PRKCE: variants seen among roughly 807,000 people sequenced by gnomAD.
PRKCE encodes the protein protein kinase C epsilon.
Under a neutral mutation model 85.4 loss-of-function variants are expected in PRKCE, and 16 were observed. The ratio of observed to expected loss-of-function variants is 0.19; its 90% CI spans 0.13 to 0.28. PRKCE has a LOEUF of 0.28. Among genes scored for constraint, PRKCE ranks in the 10% least tolerant of loss-of-function variants. PRKCE has a pLI of 1.00. For missense variants in PRKCE, 573 were observed against 975.2 expected, an observed-to-expected ratio of 0.59 and a Z score of 5.49; for synonymous variants, 388 against 371.5, an observed-to-expected ratio of 1.04 and a Z score of -0.51.
Position 45,914,500 on chromosome 2 carries a change from C to T in PRKCE, c.413-61929C>T, listed in dbSNP as rs116203619. On this transcript the variant is annotated intron_variant, in intron 2 of 14. Coordinates refer to ENST00000306156, the MANE Select transcript of PRKCE (RefSeq NM_005400.3). ...TAGCCATGGTGGTCCAGGAAGTGTG[C>T]GAGACTGATAACTATTTCTTTGCTC... is the stretch of plus-strand genomic sequence containing the variant. Among the ~76,000 whole-genome samples the T allele has an allele frequency of 2.6e-3, 393 of 152,216 alleles. 1 individual carries two copies. The highest frequency in any genetic ancestry group is 7.7e-3 in the African/African-American group (321 of 41,514).
rs190389360 is a variant in PRKCE at position 46,132,218 on chromosome 2, A to G, written c.1593-12875A>G. Among the ~76,000 whole-genome samples the G allele has an allele frequency of 1.6e-3, 247 of 152,160 alleles. 1 individual carries two copies. Among genetic ancestry groups the G allele is most frequent in the African/African-American group, 5.6e-3 (231 of 41,516 alleles). On this transcript the variant is annotated intron_variant, in intron 11 of 14. Coordinates refer to ENST00000306156, the MANE Select transcript of PRKCE (RefSeq NM_005400.3). The stretch of plus-strand genomic sequence containing the variant: ...TGCTCTGTCTCAAGTCCCAACCATC[A>G]AGCGTTGTGCTTGCTTACAGATCAT...
intron 2 of PRKCE, among the ~76,000 whole-genome samples, chr2:45,936,899 C>G (rs926681806): frequency 4.6e-5 from 7 of 152,190 alleles, no homozygotes; most frequent in East Asian, 1.9e-4. Context: ...CTGCCTGTCC[C>G]TCTTGTACTT....
intron 11 of PRKCE, among the ~76,000 whole-genome samples, chr2:46,096,163 C>G (rs931803325): frequency 6.6e-6 from 1 of 152,198 alleles, no homozygotes; most frequent in African/African-American, 2.4e-5. Context: ...TCTGCCTCAT[C>G]TTTGTTGTGT....
chr2:46,079,116 C>T (rs1195553967), intron 10 of PRKCE, among the ~76,000 whole-genome samples: 1 of 145,490 alleles, frequency 6.9e-6, no homozygotes, highest in African/African-American at 2.5e-5. Flanking sequence ...GTGGAGACTG[C>T]AGTGAGCTGA....
At chr2:45,722,124 A>C (rs1263844838) in intron 1 of PRKCE, among the ~76,000 whole-genome samples, 1 of 152,204 alleles carries the variant, frequency 6.6e-6, no homozygotes, top group East Asian at 1.9e-4. Flanking sequence ...ATTGCATGTT[A>C]ACACAAAGGG....
At chr2:46,053,700 G>A (rs1708997867) in intron 10 of PRKCE, among the ~76,000 whole-genome samples, 2 of 152,266 alleles carry the variant, frequency 1.3e-5, no homozygotes, top group South Asian at 4.1e-4. Context: ...TCTTAAGGCT[G>A]AATAATACTC....
chr2:45,677,988 A>C, intron 1 of PRKCE: 1 of 779,212 alleles, frequency 1.3e-6, no homozygotes, highest in Non-Finnish European at 1.6e-6. Flanking sequence ...TTGATTTTAC[A>C]TGGAGCTGAG....
chr2:46,186,324 A>T lies in PRKCE; in HGVS notation c.*1443A>T, dbSNP rs1442935244. 6.6e-6 allele frequency: 1 copy of T among 152,618 alleles called. No individual in the cohort carries two copies. The highest frequency in any genetic ancestry group is 1.5e-5 in the Non-Finnish European group (1 of 68,046). The allele number at this position is 152,618 out of a possible 1,614,324, so 9.5% of individuals were successfully genotyped here. On this transcript the variant is annotated 3_prime_UTR_variant, in exon 15 of 15. Transcript: ENST00000306156. ...ATTTCCCAGCTGCCCCTAAATATAT[A>T]TACTTGTGAGTGGCAAAGTGGCACT...
At chr2:46,032,300 A>G (rs954277137) in intron 10 of PRKCE, among the ~76,000 whole-genome samples, 4 of 152,208 alleles carry the variant, frequency 2.6e-5, no homozygotes, top group Admixed American at 2.6e-4. Flanking sequence ...AGATCTTTCC[A>G]GAACCACGCC....
Position 45,729,083 on chromosome 2 carries a change from A to G in PRKCE, c.348+76635A>G, listed in dbSNP as rs569131437. On this transcript the variant is annotated intron_variant, in intron 1 of 14. Transcript: ENST00000306156. ...AACTTGCCAAGGTAGGATTCCGACC[A>G]TGGCTACCATGATGACTTGGAAGCC... is the stretch of plus-strand genomic sequence containing the variant. Among the ~76,000 whole-genome samples the G allele has an allele frequency of 2.6e-5, 4 of 152,330 alleles. No homozygotes were observed. The South Asian group carries it at 6.2e-4, about 24-fold the overall frequency.
At chr2:46,120,951 C>T (rs1186893454) in intron 11 of PRKCE, among the ~76,000 whole-genome samples, 1 of 152,144 alleles carries the variant, frequency 6.6e-6, no homozygotes, top group Non-Finnish European at 1.5e-5. Flanking sequence ...GTTTGTTCAC[C>T]ATGAATCTGT....
intron 2 of PRKCE, among the ~76,000 whole-genome samples, chr2:45,962,529 A>G (rs914358167): frequency 1.3e-5 from 2 of 152,160 alleles, no homozygotes; most frequent in African/African-American, 2.4e-5. Context: ...CATTTTCTCC[A>G]AATGGAAGTT....
intron 11 of PRKCE, among the ~76,000 whole-genome samples, chr2:46,114,694 C>T (rs778578176): frequency 2.2e-4 from 33 of 150,406 alleles, no homozygotes; most frequent in Non-Finnish European, 4.7e-4. Flanking sequence ...GCTGAGATTA[C>T]AGGCATGAGC....
At chr2:46,102,690 G>A (rs560110645) in intron 11 of PRKCE, among the ~76,000 whole-genome samples, 76 of 152,268 alleles carry the variant, frequency 5.0e-4, no homozygotes, top group African/African-American at 1.7e-3. Context: ...TTCACTATTT[G>A]AGGAATAGTG....
At chr2:46,029,242 C>T (rs558454403) in intron 10 of PRKCE, among the ~76,000 whole-genome samples, 1 of 152,304 alleles carries the variant, frequency 6.6e-6, no homozygotes, top group African/African-American at 2.4e-5. Flanking sequence ...ACTTCTCCAA[C>T]GTCACATAGT....
intron 10 of PRKCE, among the ~76,000 whole-genome samples, chr2:46,043,520 GGCCATTGTT>G (rs1293938449): frequency 2.6e-5 from 4 of 152,084 alleles, no homozygotes; most frequent in Non-Finnish European, 5.9e-5. Context: ...CTAGAGATAA[GGCCATTGTT>G]GCCTATAAGG....
In PRKCE at chr2:45,895,695, G is replaced by A. The variant is rs1430356579; in HGVS notation, c.412+52632G>A. 6.6e-6 allele frequency among the ~76,000 whole-genome samples: 1 copy of A among 152,230 alleles called. No homozygotes were observed. The highest frequency in any genetic ancestry group is 2.4e-5 in the African/African-American group (1 of 41,456). On this transcript the variant is annotated intron_variant, in intron 2 of 14. Transcript: ENST00000306156. This position sits in a 1 kb window ranked among gnomAD's most constrained non-coding sequence, Gnocchi z 4.8. ...TCTCAGCTGAATCAAATTGTACGGA[G>A]CCCTTAATCTCTGCTAGGGGCTGGG...
Position 46,139,735 on chromosome 2 carries a change from T to G in PRKCE, c.1593-5358T>G, listed in dbSNP as rs957316362. The stretch of plus-strand genomic sequence containing the variant: ...ACATATATACATATACATATATATC[T>G]AGAGAGAGAGAGAGAGAATATATAG... On this transcript the variant is annotated intron_variant, in intron 11 of 14. Transcript: ENST00000306156. This position sits in a 1 kb window ranked among gnomAD's most constrained non-coding sequence, Gnocchi z 5.2. Among the ~76,000 whole-genome samples, 3 of 149,712 alleles carry G rather than the reference T, an allele frequency of 2.0e-5. No individual in the cohort carries two copies. Among genetic ancestry groups the G allele is most frequent in the Non-Finnish European group, 3.0e-5 (2 of 67,400 alleles).
At chr2:45,940,378 C>A (rs181109898) in intron 2 of PRKCE, among the ~76,000 whole-genome samples, 65 of 152,276 alleles carry the variant, frequency 4.3e-4, no homozygotes, top group Admixed American at 3.0e-3. Flanking sequence ...ACCTATGAAG[C>A]AAGAACATGA....
Sources: gnomAD v4.1 joint callset for allele counts (sites outside exome capture counted in the v4.1 genomes callset) on GRCh38, gnomAD v4.1.1 for gene constraint, Gnocchi (gnomAD v3.1) non-coding constraint, MANE v1.5 for transcripts, NCBI Gene and HGNC (gene_info 2026-07-23, HGNC 2026-07-21) for gene names.